Variants in C1QTNF3 observed in about 807,000 individuals in gnomAD.
C1QTNF3 encodes the protein complement C1q tumor necrosis factor-related protein 3.
In C1QTNF3, 26 loss-of-function variants were observed where a neutral mutation model predicts 32.6. The observed-to-expected ratio is 0.80, with a 90% CI of 0.58 to 1.11. The LOEUF is 1.11. C1QTNF3 is among the 50% of genes least tolerant of loss of function. The probability of loss-of-function intolerance (pLI) is 0.00; values close to 1 mark genes in which losing one functional copy is unlikely to be tolerated. For synonymous variants in C1QTNF3, 155 were observed against 146.0 expected (o/e 1.06, Z -0.44); for missense variants, 362 against 398.2 (o/e 0.91, Z 0.77).
chr5:34,070,699 G>T, the C1QTNF3 span, among the ~76,000 whole-genome samples: 1 of 150,770 alleles, frequency 6.6e-6, no homozygotes, highest in African/African-American at 2.4e-5. Context: ...AGGTGATGAG[G>T]TTACTTGTTA....
chr5:34,213,810 T>TATATATATATATATATATATA, the C1QTNF3 span, among the ~76,000 whole-genome samples: 177 of 13,472 alleles, frequency 0.013, 4 homozygotes, highest in South Asian at 0.043. Context: ...TATATATATA[T>TATATATATATATATATATATA]TTTTTTTTTT....
At chr5:34,120,867 G>A in the C1QTNF3 span, among the ~76,000 whole-genome samples, 37 of 152,006 alleles carry the variant, frequency 2.4e-4, no homozygotes, top group East Asian at 3.9e-3. Flanking sequence ...TACAATACCC[G>A]TCCCCCTTTA....
chr5:34,061,883 ACTT>A, the C1QTNF3 span, among the ~76,000 whole-genome samples: 49 of 152,276 alleles, frequency 3.2e-4, no homozygotes, highest in African/African-American at 1.1e-3. Context: ...GCTCCTCACT[ACTT>A]ATGAAAATTT....
chr5:34,030,725 A>C (rs997944599), intron 3 of C1QTNF3, among the ~76,000 whole-genome samples: 7 of 152,232 alleles, frequency 4.6e-5, no homozygotes, highest in African/African-American at 1.7e-4. Context: ...AGTGTGCTAC[A>C]TATACACCAT....
intron 2 of C1QTNF3, among the ~76,000 whole-genome samples, chr5:34,034,097 G>A (rs1234444250): frequency 6.6e-6 from 1 of 152,196 alleles, no homozygotes; most frequent in Non-Finnish European, 1.5e-5. Flanking sequence ...AGCCTAAGAG[G>A]CCAAGGCTAC....
the C1QTNF3 span, among the ~76,000 whole-genome samples, chr5:34,057,447 T>C: frequency 2.0e-5 from 3 of 152,152 alleles, no homozygotes; most frequent in Non-Finnish European, 2.9e-5. Flanking sequence ...ATTCAAGAAA[T>C]AGATTGAGGA....
the C1QTNF3 span, among the ~76,000 whole-genome samples, chr5:34,139,262 G>A: frequency 2.0e-5 from 3 of 151,606 alleles, no homozygotes; most frequent in Middle Eastern, 3.2e-3. Flanking sequence ...ATGTAATCAT[G>A]ATACATTTTG....
intron 3 of C1QTNF3, 166 bp downstream of exon 3, chr5:34,033,138 A>C: frequency 1.5e-6 from 1 of 667,496 alleles, no homozygotes; most frequent in Non-Finnish European, 2.5e-6. Context: ...CCTTTTGGAC[A>C]GTATGGGCCT....
chr5:34,030,078 A>G (rs1349119624), intron 3 of C1QTNF3, among the ~76,000 whole-genome samples: 2 of 152,226 alleles, frequency 1.3e-5, no homozygotes, highest in African/African-American at 4.8e-5. Context: ...TCTAAAATAT[A>G]GAAAAATGGT....
the C1QTNF3 span, among the ~76,000 whole-genome samples, chr5:34,057,785 T>G: frequency 3.9e-5 from 6 of 152,144 alleles, no homozygotes; most frequent in Non-Finnish European, 8.8e-5. Context: ...CTTTATTAAG[T>G]GGTAATGAGG....
the C1QTNF3 span, among the ~76,000 whole-genome samples, chr5:34,078,324 G>A: frequency 2.0e-5 from 3 of 151,782 alleles, no homozygotes; most frequent in African/African-American, 7.3e-5. The surrounding 1 kb of genome is among the most constrained non-coding windows in gnomAD (Gnocchi z 4.0). Flanking sequence ...TTTTCCCACT[G>A]CTGTAAAGAC....
chr5:34,094,119 C>G, the C1QTNF3 span, among the ~76,000 whole-genome samples: 15 of 152,300 alleles, frequency 9.8e-5, no homozygotes, highest in South Asian at 3.1e-3. Context: ...TCAAACTCTT[C>G]TATTTTCCAT....
chr5:34,023,471 G>A (rs1333251235), intron 5 of C1QTNF3, among the ~76,000 whole-genome samples: 1 of 152,116 alleles, frequency 6.6e-6, no homozygotes, highest in African/African-American at 2.4e-5. Flanking sequence ...AAATAACAGG[G>A]AAATGATAAC....
chr5:34,120,516 G>GTC, the C1QTNF3 span, among the ~76,000 whole-genome samples: 3 of 152,124 alleles, frequency 2.0e-5, no homozygotes, highest in East Asian at 5.8e-4. Context: ...ATTTGGTTGT[G>GTC]TCTCCACTCA....
At chr5:34,071,076 G>A in the C1QTNF3 span, among the ~76,000 whole-genome samples, 1 of 152,192 alleles carries the variant, frequency 6.6e-6, no homozygotes, top group Non-Finnish European at 1.5e-5. Context: ...GACAGCCCCA[G>A]CTTTAACAGA....
chr5:34,056,469 TATATATATATAGAGAGAGAGAGAGAG>T, the C1QTNF3 span, among the ~76,000 whole-genome samples: 2 of 109,318 alleles, frequency 1.8e-5, no homozygotes, highest in African/African-American at 7.5e-5. Context: ...TATATATATA[TATATATATATAGAGAGAGAGAGAGAG>T]AGAGAGAGAG....
chr5:34,154,327 T>C, the C1QTNF3 span, among the ~76,000 whole-genome samples: 1 of 152,170 alleles, frequency 6.6e-6, no homozygotes, highest in South Asian at 2.1e-4. Context: ...CATTCAAATA[T>C]GTTTGTAAAG....
chr5:34,033,492 C>T, intron 2 of C1QTNF3, 34 bp from the exon 3 acceptor site: 1 of 1,613,762 alleles, frequency 6.2e-7, no homozygotes, highest in Non-Finnish European at 8.5e-7. Flanking sequence ...ATGAGAAAAC[C>T]CAGTCACTCA....
chr5:34,241,667 C>G, the C1QTNF3 span, among the ~76,000 whole-genome samples: 2 of 151,728 alleles, frequency 1.3e-5, no homozygotes, highest in African/African-American at 2.4e-5. Flanking sequence ...CTTTGGGAGG[C>G]CGAGGCAGGT....
Sources: gnomAD v4.1 joint callset for allele counts (sites outside exome capture counted in the v4.1 genomes callset) on GRCh38, gnomAD v4.1.1 for gene constraint, Gnocchi (gnomAD v3.1) non-coding constraint, MANE v1.5 for transcripts, NCBI Gene and HGNC (gene_info 2026-07-23, HGNC 2026-07-21) for gene names.